Variants in ABCC12 observed in about 807,000 individuals in gnomAD.
ABCC12 encodes the protein ATP binding cassette subfamily C member 12.
ABCC12 carries 142 observed loss-of-function variants against 151.1 expected under a neutral mutation model. The ratio of observed to expected loss-of-function variants is 0.94; its 90% CI spans 0.82 to 1.08. The LOEUF (loss-of-function observed/expected upper bound fraction) is 1.08, where lower values mean the gene tolerates loss of function less well. Among genes scored for constraint, ABCC12 ranks in the 50% least tolerant of loss-of-function variants. The pLI, the probability that ABCC12 is intolerant of heterozygous loss-of-function variation, is 0.00. For synonymous variants in ABCC12, 645 were observed against 646.4 expected, an observed-to-expected ratio of 1.00 and a Z score of 0.03; for missense variants, 1,638 against 1,691.1, an observed-to-expected ratio of 0.97 and a Z score of 0.55.
At chr16:48,140,196 T>TTG (rs1019129957) in intron 6 of ABCC12, among the ~76,000 whole-genome samples, 13 of 151,952 alleles carry the variant, frequency 8.6e-5, no homozygotes, top group Middle Eastern at 3.2e-3. Flanking sequence ...GTTGTTGTTG[T>TTG]TGTGTGTGTG....
chr16:48,143,604 G>A (rs764979408), intron 4 of ABCC12, among the ~76,000 whole-genome samples: 6 of 152,138 alleles, frequency 3.9e-5, no homozygotes. Context: ...GTCGTGGGAG[G>A]GACCTGGTGG....
chr16:48,121,869 G>GA, intron 12 of ABCC12, 29 bp from the exon 13 acceptor site: 1 of 1,613,428 alleles, frequency 6.2e-7, no homozygotes, highest in Non-Finnish European at 8.5e-7. Context: ...AGAAGCTTCA[G>GA]GAGCCAAGCC....
In ABCC12 at chr16:48,120,540, G is replaced by A. The variant is rs143607706; in HGVS notation, c.1712+1176C>T. 3.9e-4 allele frequency among the ~76,000 whole-genome samples: 59 copies of A among 151,530 alleles called. 1 individual carries two copies. The East Asian group carries it at 0.01, about 26-fold the overall frequency. On this transcript the variant is annotated intron_variant, in intron 13 of 30. Coordinates refer to ENST00000311303, the MANE Select transcript of ABCC12 (RefSeq NM_001393797.1). ...CTATAGAAATGTCCACGGTGATCAC[G>A]GTATTAATGAGTTTTTTGTTTTTTT...
chr16:48,155,389 A>G (rs540340013), intron 1 of ABCC12, among the ~76,000 whole-genome samples: 17 of 152,102 alleles, frequency 1.1e-4, no homozygotes, highest in Middle Eastern at 3.4e-3. Flanking sequence ...AAAAAAAAAA[A>G]AAAGAAAGAA....
Position 48,140,849 on chromosome 16 carries a change from C to G in ABCC12, c.495G>C (p.Leu165=), listed in dbSNP as rs768626880. 4.3e-6 allele frequency: 7 copies of G among 1,614,112 alleles called. No individual in the cohort carries two copies. The highest frequency in any genetic ancestry group is 1.7e-5 in the Admixed American group (1 of 60,024). ...ACTCGGTGGCAAAAAGGGCTATGCA[C>G]AGTCCAATGCCAACCCAGACTTTCC... ...TSGKVWVGIG[L]CIALFATEFT... is the part of the protein sequence containing the mutation. The change falls in exon 6 of 31, where the codon CTG becomes CTC. Residue 165 remains leucine, a synonymous_variant. Transcript: ENST00000311303.
chr16:48,140,754 G>A lies in ABCC12; in HGVS notation c.590C>T (p.Ala197Val), dbSNP rs371124726. ...GTTTTCAAAAACCAAGGTGGAGAGCGCCACCTTCAACCGGATGGCCGTGCG... is the reference window on the plus strand; with the variant it reads ...GTTTTCAAAAACCAAGGTGGAGAGCACCACCTTCAACCGGATGGCCGTGCG... ...NYRTAIRLKV[A>V]LSTLVFENLV... Residue 197 changes from alanine to valine, a missense_variant, in exon 6 of 31, where the codon GCG becomes GTG. Transcript: ENST00000311303. 1.1e-4 allele frequency: 176 copies of A among 1,614,074 alleles called. No individual in the cohort carries two copies. Among genetic ancestry groups the A allele is most frequent in the Non-Finnish European group, 1.4e-4 (167 of 1,180,038 alleles).
chr16:48,081,495 C>A lies in ABCC12; in HGVS notation c.*2220G>T, dbSNP rs1962342732. Among the ~76,000 whole-genome samples, 1 of 152,142 alleles carries A rather than the reference C, an allele frequency of 6.6e-6. No homozygotes were observed. The highest frequency in any genetic ancestry group is 1.5e-5 in the Non-Finnish European group (1 of 68,026). ...TGTTGTGAAGGGGTTGGGAGCAGGG[C>A]CTGTGGAGCCAGACTGGTTAGGGTT... On this transcript the variant is annotated 3_prime_UTR_variant, in exon 31 of 31. Transcript: ENST00000311303.
chr16:48,139,661 G>A (rs985089706), intron 6 of ABCC12, among the ~76,000 whole-genome samples: 8 of 152,138 alleles, frequency 5.3e-5, no homozygotes, highest in East Asian at 1.9e-4. Context: ...AGACAACTCC[G>A]CTTCTTTCGG....
chr16:48,118,961 T>C (rs1963979571), intron 13 of ABCC12, among the ~76,000 whole-genome samples: 1 of 152,238 alleles, frequency 6.6e-6, no homozygotes, highest in Admixed American at 6.5e-5. Context: ...GTCTGCTGCA[T>C]GGCAAATTCT....
chr16:48,141,072 T>G lies in ABCC12; in HGVS notation c.423+134A>C, dbSNP rs1236994832. 1.7e-5 allele frequency: 24 copies of G among 1,418,958 alleles called. No homozygotes were observed. In the Admixed American group the frequency reaches 4.2e-4, roughly 25 times the overall value. The allele number at this position is 1,418,958 out of a possible 1,614,324, so 87.9% of individuals were successfully genotyped here. ...CTGTGCTTGACAAGGATTCACTTTATGAAAATTCGCCCCCAAGGAGCGCAA... is the reference window on the plus strand; with the variant it reads ...CTGTGCTTGACAAGGATTCACTTTAGGAAAATTCGCCCCCAAGGAGCGCAA... On this transcript the variant is annotated intron_variant, in intron 5 of 30. Coordinates refer to ENST00000311303, the MANE Select transcript of ABCC12 (RefSeq NM_001393797.1).
At chr16:48,133,544 AGTTGG>A in intron 9 of ABCC12, 138 bp downstream of exon 9, 3 of 896,746 alleles carry the variant, frequency 3.3e-6, no homozygotes, top group Non-Finnish European at 4.8e-6. Flanking sequence ...AAAAAAAAAA[AGTTGG>A]AGTTGAAGTC....
intron 13 of ABCC12, among the ~76,000 whole-genome samples, chr16:48,118,859 ACT>A (rs567912450): frequency 1.1e-4 from 16 of 152,102 alleles, no homozygotes; most frequent in Non-Finnish European, 2.2e-4. Context: ...CCTGATCCTC[ACT>A]CTCTGCTCTA....
At chr16:48,125,702 T>C (rs1168240082) in intron 11 of ABCC12, among the ~76,000 whole-genome samples, 2 of 152,218 alleles carry the variant, frequency 1.3e-5, no homozygotes, top group Non-Finnish European at 2.9e-5. Context: ...AGGGCAAAGA[T>C]GCCCAACATG....
rs1333482527 is a variant in ABCC12, at chr16:48,087,929, A to G, written c.3632T>C (p.Val1211Ala). 6 of 1,611,534 alleles carry G rather than the reference A, an allele frequency of 3.7e-6. No homozygotes were observed. The Admixed American group carries it at 5.0e-5, about 14-fold the overall frequency. The change falls in exon 27 of 31, where the codon GTA becomes GCA. Residue 1211 changes from valine to alanine, a missense_variant. Coordinates refer to ENST00000311303, the MANE Select transcript of ABCC12 (RefSeq NM_001393797.1). ...PQDPVLFVGTVRYNLDPFESH... is the reference protein window; with the variant it reads ...PQDPVLFVGTARYNLDPFESH... ...CACAATGATTAAAAACAGCTACCTT[A>G]CTGTACCTACAAACAGGACAGGATC... is the stretch of plus-strand genomic sequence containing the variant.
Position 48,143,979 on chromosome 16 carries a change from C to A in ABCC12, c.206G>T (p.Arg69Leu). The A allele has an allele frequency of 6.2e-7, 1 of 1,614,012 alleles. No homozygotes were observed. Among genetic ancestry groups the A allele is most frequent in the Non-Finnish European group, 8.5e-7 (1 of 1,180,036 alleles). ...CAGGGTGTCTACGGTCAGCCTTTGC[C>A]GGTAGCCTTTCACCATCACCGGCGT... is the stretch of plus-strand genomic sequence containing the variant. ...WLTPVMVKGY[R>L]QRLTVDTLPP... The change falls in exon 4 of 31, where the codon CGG becomes CTG. Residue 69 changes from arginine to leucine, a missense_variant. Arg to Leu is a moderately radical substitution (Grantham distance 102). Coordinates refer to ENST00000311303, the MANE Select transcript of ABCC12 (RefSeq NM_001393797.1).
chr16:48,097,191 T>C (rs1314675204), intron 23 of ABCC12, among the ~76,000 whole-genome samples: 1 of 152,212 alleles, frequency 6.6e-6, no homozygotes, highest in East Asian at 1.9e-4. Flanking sequence ...TTCCCAGAAC[T>C]GGCAGCTAGA....
intron 14 of ABCC12, 103 bp downstream of exon 14, chr16:48,117,158 G>T: frequency 9.1e-7 from 1 of 1,094,496 alleles, no homozygotes; most frequent in Non-Finnish European, 1.3e-6. Context: ...ACGTCCTTGG[G>T]GCATCTGGAT....
At chr16:48,096,563 G>C (rs1427220389) in intron 24 of ABCC12, among the ~76,000 whole-genome samples, 183 bp downstream of exon 24, 7 of 152,204 alleles carry the variant, frequency 4.6e-5, no homozygotes, top group Admixed American at 4.6e-4. Flanking sequence ...TCAGAGACAT[G>C]ATCCCACTGT....
intron 29 of ABCC12, among the ~76,000 whole-genome samples, chr16:48,085,255 TG>T (rs372333456): frequency 7.9e-5 from 12 of 152,268 alleles, no homozygotes; most frequent in South Asian, 6.2e-4. Context: ...TTGAGCATCC[TG>T]GGGACAGTGT....
Sources: allele counts gnomAD v4.1 joint callset (sites outside exome capture counted in the v4.1 genomes callset), GRCh38; gene constraint gnomAD v4.1.1; transcripts MANE v1.5; gene names NCBI Gene and HGNC (gene_info 2026-07-23, HGNC 2026-07-21).